The following CTBP2 variants were observed in gnomAD, a reference collection of about 807,000 sequenced individuals.
CTBP2 encodes the protein C-terminal binding protein 2.
Under a neutral mutation model 80.3 loss-of-function variants are expected in CTBP2, and 30 were observed. The observed-to-expected ratio is 0.37, with a 90% CI of 0.28 to 0.51. The LOEUF (loss-of-function observed/expected upper bound fraction) is 0.51. Ranked by LOEUF, CTBP2 falls within the 20% of genes least tolerant of loss-of-function variation. CTBP2 has a pLI of 0.93. For synonymous variants in CTBP2, 594 were observed against 587.4 expected (o/e 1.01, Z -0.16); for missense variants, 1,212 against 1,375.3 (o/e 0.88, Z 1.88).
At chr10:125,115,631 T>C (rs988701707) in intron 1 of CTBP2, among the ~76,000 whole-genome samples, 2 of 152,180 alleles carry the variant, frequency 1.3e-5, no homozygotes, top group East Asian at 1.9e-4. Flanking sequence ...ACTCCAGACA[T>C]GTCTCCAGGC....
intron 1 of CTBP2, among the ~76,000 whole-genome samples, chr10:125,156,934 TAC>T (rs1861024146): frequency 6.6e-6 from 1 of 152,254 alleles, no homozygotes; most frequent in African/African-American, 2.4e-5. Context: ...TCATCTTGTG[TAC>T]ACGACCAGAT....
At chr10:125,127,775 C>T (rs549046421) in intron 1 of CTBP2, among the ~76,000 whole-genome samples, 4 of 152,194 alleles carry the variant, frequency 2.6e-5, no homozygotes, top group South Asian at 2.1e-4. Context: ...GAAGGACACA[C>T]GTCATCCCTC....
At chr10:125,070,142 GAGA>G (rs2135441873) in intron 2 of CTBP2, among the ~76,000 whole-genome samples, 1 of 151,442 alleles carries the variant, frequency 6.6e-6, no homozygotes, top group East Asian at 1.9e-4. Context: ...ACAAAGTCAG[GAGA>G]TCTACACCAC....
chr10:125,143,790 C>T lies in CTBP2; in HGVS notation c.-206+16529G>A, dbSNP rs139254584. 8.5e-4 allele frequency among the ~76,000 whole-genome samples: 129 copies of T among 152,062 alleles called. No homozygotes were observed. The East Asian group carries it at 0.02, about 24-fold the overall frequency. The stretch of plus-strand genomic sequence containing the variant: ...ACAGATAGGTATTCTTCATAAACAC[C>T]ATAAATCATAAAGTCATTTCTTTGC... On this transcript the variant is annotated intron_variant, in intron 1 of 10. Transcript: ENST00000337195.
In CTBP2 at chr10:125,026,110, G is replaced by A. The variant is rs751392856; in HGVS notation, c.1650C>T (p.Ile550=). The change falls in exon 1 of 9, where the codon ATC becomes ATT. Residue 550 remains isoleucine (I), a synonymous_variant. Coordinates refer to ENST00000309035, the MANE Select transcript of CTBP2 (RefSeq NM_022802.3). ...GTTCTGGTGCAAGCATGGTGGACAC[G>A]ATGATGGGTGCCCCTGTGCGCCGGG... The A allele has an allele frequency of 1.4e-5, 22 of 1,581,548 alleles. No homozygotes were observed. The highest frequency in any genetic ancestry group is 4.0e-5 in the African/African-American group (3 of 74,406).
chr10:125,064,196 G>A (rs1389488194), intron 2 of CTBP2, among the ~76,000 whole-genome samples: 1 of 152,220 alleles, frequency 6.6e-6, no homozygotes. Context: ...TTTCACCAGA[G>A]TTTGCCTGGG....
chr10:125,053,082 GAAGA>G (rs1963148006), intron 2 of CTBP2, among the ~76,000 whole-genome samples: 1 of 144,214 alleles, frequency 6.9e-6, no homozygotes, highest in Non-Finnish European at 1.5e-5. Context: ...AGGCTTATTC[GAAGA>G]GAGAGAAAAA....
At chr10:125,126,159 T>G (rs1327547287) in intron 1 of CTBP2, among the ~76,000 whole-genome samples, 1 of 151,868 alleles carries the variant, frequency 6.6e-6, no homozygotes, top group Non-Finnish European at 1.5e-5. Flanking sequence ...AATGGGCCAG[T>G]TCAGCTGCTG....
intron 2 of CTBP2, among the ~76,000 whole-genome samples, chr10:125,063,595 T>C (rs1275064295): frequency 6.6e-6 from 1 of 152,174 alleles, no homozygotes; most frequent in Non-Finnish European, 1.5e-5. Flanking sequence ...TAAAAATTAA[T>C]TGCCACATAA....
intron 2 of CTBP2, among the ~76,000 whole-genome samples, chr10:125,098,659 A>AGG (rs1564913501): frequency 1.6e-4 from 3 of 18,588 alleles, no homozygotes; most frequent in Admixed American, 6.5e-4. Flanking sequence ...GGGGAGGGGG[A>AGG]GAGAGAGAGA....
intron 1 of CTBP2, among the ~76,000 whole-genome samples, chr10:125,152,885 C>G (rs1219399800): frequency 2.6e-5 from 4 of 151,074 alleles, no homozygotes; most frequent in African/African-American, 9.7e-5. Context: ...CACAGCTGAA[C>G]GTCTGGAGAA....
rs557315861 is a variant in CTBP2 at position 125,110,981 on chromosome 10, A to C, written c.-102+9T>G. On this transcript the variant is annotated intron_variant, in intron 2 of 10. Transcript: ENST00000337195. Reference sequence around the variant, plus strand: ...AACTTTTACCTGGAGATATTTCACAATAACTCACCAATATAAATCTGTCCA... The same window carrying C: ...AACTTTTACCTGGAGATATTTCACACTAACTCACCAATATAAATCTGTCCA... The C allele has an allele frequency of 2.0e-5, 3 of 152,652 alleles. No homozygotes were observed. Among genetic ancestry groups the C allele is most frequent in the African/African-American group, 7.2e-5 (3 of 41,456 alleles). The allele number at this position is 152,652 out of a possible 1,614,324, so 9.5% of individuals were successfully genotyped here. A position where few individuals can be genotyped will look rare whatever the true frequency, so the allele number is the denominator to read the frequency against.
rs763538787 is a variant in CTBP2 at position 125,026,875 on chromosome 10, G to C, written c.885C>G (p.Ala295=). 1 of 1,613,910 alleles carries C rather than the reference G, an allele frequency of 6.2e-7. No homozygotes were observed. The highest frequency in any genetic ancestry group is 8.5e-7 in the Non-Finnish European group (1 of 1,180,010). ...CTGCCAGCCCCTCCGCCCGCAGAAA[G>C]GCCAGGAACTCAGGGAGCACGGTCC... Residue 295 remains alanine, a synonymous_variant, in exon 1 of 9, where the codon GCC becomes GCG. Transcript: ENST00000309035.
At chr10:125,096,031 C>T (rs771302876) in intron 2 of CTBP2, among the ~76,000 whole-genome samples, 1 of 151,670 alleles carries the variant, frequency 6.6e-6, no homozygotes, top group Non-Finnish European at 1.5e-5. Context: ...AGGAAGGGAG[C>T]GCAGGGAGTG....
upstream of CTBP2, chr10:125,160,907 CTTTA>C (rs1270151405): frequency 1.3e-5 from 2 of 148,624 alleles, no homozygotes; most frequent in Admixed American, 6.7e-5. Context: ...ATTTGCTCTT[CTTTA>C]TTTGTTTTCT....
At chr10:125,138,498 C>G (rs1372618850) in intron 1 of CTBP2, among the ~76,000 whole-genome samples, 1 of 151,936 alleles carries the variant, frequency 6.6e-6, no homozygotes, top group Non-Finnish European at 1.5e-5. Context: ...GACAGTCTCA[C>G]GCTGAGGTTT....
In CTBP2 at chr10:125,020,341, A is replaced by T. The variant is rs763741954; in HGVS notation, c.1678+5741T>A. ...GACAGCACAGCCACACAAAACTATTATCTAGAAACTGAAGCTATGGCCCCA... is the reference window on the plus strand; with the variant it reads ...GACAGCACAGCCACACAAAACTATTTTCTAGAAACTGAAGCTATGGCCCCA... On this transcript the variant is annotated intron_variant, in intron 1 of 8. Transcript: ENST00000309035. Among the ~76,000 whole-genome samples the T allele has an allele frequency of 4.6e-5, 7 of 152,166 alleles. No individual in the cohort carries two copies. The East Asian group carries it at 7.8e-4, about 17-fold the overall frequency.
At chr10:124,997,840 G>T in intron 4 of CTBP2, 124 bp downstream of exon 6, 1 of 971,622 alleles carries the variant, frequency 1.0e-6, no homozygotes, top group Non-Finnish European at 1.5e-6. Flanking sequence ...AACACGGGGA[G>T]GGTGCTGGCC....
At chr10:125,060,461 C>CAT (rs1396860647) in intron 2 of CTBP2, among the ~76,000 whole-genome samples, 1 of 125,896 alleles carries the variant, frequency 7.9e-6, no homozygotes, top group African/African-American at 3.3e-5. Flanking sequence ...CCATTCCCCC[C>CAT]ACGTGTGTGT....
Sources: gnomAD v4.1 joint callset for allele counts (sites outside exome capture counted in the v4.1 genomes callset) on GRCh38, gnomAD v4.1.1 for gene constraint, MANE v1.5 for transcripts, NCBI Gene and HGNC (gene_info 2026-07-23, HGNC 2026-07-21) for gene names.